The following OR14I1 variants were observed in gnomAD, a reference collection of about 807,000 sequenced individuals.
The protein encoded by OR14I1 is olfactory receptor family 14 subfamily I member 1.
For missense variants in OR14I1, 279 were observed against 181.8 expected (o/e 1.53, Z -3.07); for synonymous variants, 118 against 71.1 (o/e 1.66, Z -3.32).
chr1:248,687,499 T>C, the OR14I1 span, among the ~76,000 whole-genome samples: 1 of 152,266 alleles, frequency 6.6e-6, no homozygotes, highest in Non-Finnish European at 1.5e-5. Context: ...CTAAATACGA[T>C]CATTTGAAAA....
At chr1:248,686,331 C>G (rs1357699783), upstream of OR14I1, among the ~76,000 whole-genome samples, 1 of 152,166 alleles carries the variant, frequency 6.6e-6, no homozygotes, top group East Asian at 1.9e-4. Context: ...CTCTGCTGCC[C>G]CACCTCTGAG....
downstream of OR14I1, among the ~76,000 whole-genome samples, chr1:248,680,806 G>A (rs554535158): frequency 6.6e-6 from 1 of 152,284 alleles, no homozygotes; most frequent in Non-Finnish European, 1.5e-5. Flanking sequence ...GATGGAAATT[G>A]TGTTAATTTC....
At chr1:248,681,448 A>G (rs1228983671) in exon 1 of OR14I1, 1 of 781,016 alleles carries the variant, frequency 1.3e-6, no homozygotes, top group South Asian at 1.3e-5. Flanking sequence ...ACTATATATG[A>G]TGGGATTGAG....
chr1:248,680,967 C>CGTGTGTGTGT (rs34495040), downstream of OR14I1, among the ~76,000 whole-genome samples: 19,127 of 147,020 alleles, frequency 0.13, 1,437 homozygotes, highest in East Asian at 0.26. Context: ...AAACTGTGTG[C>CGTGTGTGTGT]GTGTGTGTGT....
At chr1:248,699,752 TTTTGTTTG>T in the OR14I1 span, among the ~76,000 whole-genome samples, 9 of 151,406 alleles carry the variant, frequency 5.9e-5, no homozygotes, top group Non-Finnish European at 1.2e-4. Context: ...CTACTTTTTG[TTTTGTTTG>T]TTTGTTTGTT....
upstream of OR14I1, among the ~76,000 whole-genome samples, chr1:248,684,122 T>A (rs1661605759): frequency 6.6e-6 from 1 of 152,120 alleles, no homozygotes; most frequent in Admixed American, 6.5e-5. Context: ...AGGAGCACTA[T>A]CCCTGATAAA....
At chr1:248,693,558 T>C in the OR14I1 span, among the ~76,000 whole-genome samples, 1 of 152,198 alleles carries the variant, frequency 6.6e-6, no homozygotes, top group Non-Finnish European at 1.5e-5. Flanking sequence ...TTGATATATT[T>C]TCTTCTCTTC....
downstream of OR14I1, among the ~76,000 whole-genome samples, chr1:248,678,661 C>T (rs1172599723): frequency 1.3e-5 from 2 of 152,132 alleles, no homozygotes; most frequent in Admixed American, 6.5e-5. Flanking sequence ...CCTACAAAGC[C>T]TTAATTCTAA....
the OR14I1 span, among the ~76,000 whole-genome samples, chr1:248,700,476 C>A: frequency 3.9e-5 from 6 of 152,188 alleles, no homozygotes; most frequent in Non-Finnish European, 7.3e-5. Flanking sequence ...CAAAGGACTT[C>A]CTAATTTATG....
chr1:248,687,581 G>A, the OR14I1 span, among the ~76,000 whole-genome samples: 1 of 152,190 alleles, frequency 6.6e-6, no homozygotes, highest in Non-Finnish European at 1.5e-5. Context: ...TTCAAATGAG[G>A]AAAGTGAGTC....
At chr1:248,701,999 T>C in the OR14I1 span, among the ~76,000 whole-genome samples, 2 of 152,188 alleles carry the variant, frequency 1.3e-5, no homozygotes, top group Non-Finnish European at 2.9e-5. Flanking sequence ...AGGCATGTCT[T>C]TCATGGCTGG....
At chr1:248,682,891 C>G (rs959932724), upstream of OR14I1, among the ~76,000 whole-genome samples, 3 of 152,102 alleles carry the variant, frequency 2.0e-5, no homozygotes, top group African/African-American at 7.2e-5. Context: ...ATAATTAGCT[C>G]TGGTTTGGAG....
chr1:248,691,427 G>C, the OR14I1 span, among the ~76,000 whole-genome samples: 1 of 152,240 alleles, frequency 6.6e-6, no homozygotes, highest in African/African-American at 2.4e-5. Context: ...AGGGTAGAAT[G>C]TTCCCGTCAG....
the OR14I1 span, among the ~76,000 whole-genome samples, chr1:248,697,477 T>TAAAAAAAAAAA: frequency 7.8e-6 from 1 of 127,692 alleles, no homozygotes; most frequent in African/African-American, 2.8e-5. Flanking sequence ...TGGTTAGGTT[T>TAAAAAAAAAAA]AAAAAAAAAA....
downstream of OR14I1, among the ~76,000 whole-genome samples, chr1:248,680,058 A>G (rs970646234): frequency 3.3e-5 from 5 of 152,198 alleles, no homozygotes; most frequent in Non-Finnish European, 7.3e-5. Context: ...AGTTGCAAAT[A>G]GATAGGTCTA....
the OR14I1 span, among the ~76,000 whole-genome samples, chr1:248,702,474 A>G: frequency 8.7e-4 from 133 of 152,188 alleles, no homozygotes; most frequent in Non-Finnish European, 1.6e-3. Flanking sequence ...AAGCCCATTA[A>G]AAAATCCTGC....
upstream of OR14I1, among the ~76,000 whole-genome samples, chr1:248,684,757 C>CATATATATATATATATATATAT (rs376621560): frequency 1.3e-3 from 192 of 145,052 alleles, 2 homozygotes; most frequent in African/African-American, 4.6e-3. Context: ...CACACACATA[C>CATATATATATATATATATATAT]ATATATATAT....
downstream of OR14I1, among the ~76,000 whole-genome samples, chr1:248,680,907 C>T (rs1384926153): frequency 1.3e-5 from 2 of 151,362 alleles, no homozygotes; most frequent in South Asian, 4.2e-4. Flanking sequence ...TCTAATAACC[C>T]TTCTGCTTGT....
chr1:248,685,979 G>A (rs1222816069), upstream of OR14I1, among the ~76,000 whole-genome samples: 1 of 151,784 alleles, frequency 6.6e-6, no homozygotes, highest in Admixed American at 6.6e-5. Context: ...AAAATATTAG[G>A]CAAATTGATG....
Sources: gnomAD v4.1 joint callset for allele counts (sites outside exome capture counted in the v4.1 genomes callset) on GRCh38, gnomAD v4.1.1 for gene constraint, MANE v1.5 for transcripts, NCBI Gene and HGNC (gene_info 2026-07-23, HGNC 2026-07-21) for gene names.